Variants in PCNT observed in about 807,000 individuals in gnomAD.
PCNT encodes the protein pericentrin.
PCNT carries 319 observed loss-of-function variants against 380.4 expected under a neutral mutation model. That is an observed-to-expected ratio of 0.84 (90% CI 0.77 to 0.92). The LOEUF (loss-of-function observed/expected upper bound fraction) is 0.92. Ranked by LOEUF, PCNT falls within the 40% of genes least tolerant of loss-of-function variation. PCNT has a pLI of 0.00. For synonymous variants in PCNT, 1,845 were observed against 1,735.2 expected (o/e 1.06, Z -1.57); for missense variants, 4,400 against 4,255.3 (o/e 1.03, Z -0.95).
In PCNT at chr21:46,389,808, C is replaced by T. The variant is rs1364389171; in HGVS notation, c.3840+377C>T. ...ATCAAAGATCTTTTTTTCAGCCAGGCACAGCGGCTCACTCCTGCAGTCCCA... is the reference window on the plus strand; with the variant it reads ...ATCAAAGATCTTTTTTTCAGCCAGGTACAGCGGCTCACTCCTGCAGTCCCA... On this transcript the variant is annotated intron_variant, in intron 19 of 46. Transcript: ENST00000359568. Among the ~76,000 whole-genome samples the T allele has an allele frequency of 2.0e-5, 3 of 152,142 alleles. No homozygotes were observed. In the East Asian group the frequency reaches 5.8e-4, roughly 29 times the overall value.
At chr21:46,338,771 A>G (rs1272943482) in intron 3 of PCNT, among the ~76,000 whole-genome samples, 3 of 148,534 alleles carry the variant, frequency 2.0e-5, no homozygotes, top group Admixed American at 6.7e-5. Flanking sequence ...ATGCCTGGCT[A>G]ATTTTTGTAT....
At chr21:46,429,425 T>A in intron 35 of PCNT, among the ~76,000 whole-genome samples, 1 of 119,702 alleles carries the variant, frequency 8.4e-6, no homozygotes, top group East Asian at 2.6e-4. Flanking sequence ...GGGCTGGCGC[T>A]GTGCACGTGC....
At chr21:46,444,573 C>G in intron 45 of PCNT, 121 bp from the exon 46 acceptor site, 1 of 1,039,632 alleles carries the variant, frequency 9.6e-7, no homozygotes, top group Non-Finnish European at 1.4e-6. Flanking sequence ...CACCCATCCC[C>G]ACGGGTCTGG....
chr21:46,441,092 C>T lies in PCNT; in HGVS notation c.9623+8C>T, dbSNP rs75758339. The stretch of plus-strand genomic sequence containing the variant: ...GGTCATTGCAATATTAAGGTAAATG[C>T]CATGACGTTCAGTCAGTGCGTTCCG... On this transcript the variant is annotated splice_region_variant and intron_variant, in intron 43 of 46. Coordinates refer to ENST00000359568, the MANE Select transcript of PCNT (RefSeq NM_006031.6). 1,113 of 1,554,514 alleles carry T rather than the reference C, an allele frequency of 7.2e-4. 15 individuals carry two copies. The African/African-American group carries it at 0.013, about 18-fold the overall frequency.
rs1316315110 is a variant in PCNT, at chr21:46,425,034, G to A, written c.7180-797G>A. On this transcript the variant is annotated intron_variant, in intron 32 of 46. Transcript: ENST00000359568. This position sits in a 1 kb window ranked among gnomAD's most constrained non-coding sequence, Gnocchi z 4.2. ...CCTCATTTTGCATTTCCCTCTTTTT[G>A]GACTTTATTAGATTATTTTTCTCTT... is the stretch of plus-strand genomic sequence containing the variant. Among the ~76,000 whole-genome samples, 1 of 151,966 alleles carries A rather than the reference G, an allele frequency of 6.6e-6. No homozygotes were observed. The highest frequency in any genetic ancestry group is 2.4e-5 in the African/African-American group (1 of 41,346).
rs1569307396 is a variant in PCNT at position 46,437,080 on chromosome 21, A to AGGG, written c.9099+1_9099+2insGGG. On this transcript the variant is annotated inframe_insertion and splice_region_variant, in exon 40 of 47. Transcript: ENST00000359568. Reference sequence around the variant, plus strand: ...GACTTGAGCAGGCCCACCTCCTCCCAGGTAAGGGGTGAGCGCCCCCAGGTC... The same window carrying AGGG: ...GACTTGAGCAGGCCCACCTCCTCCCAGGGGGTAAGGGGTGAGCGCCCCCAGGTC... The AGGG allele has an allele frequency of 6.2e-7, 1 of 1,611,692 alleles. No homozygotes were observed. The highest frequency in any genetic ancestry group is 1.1e-5 in the South Asian group (1 of 91,010).
At chr21:46,431,270 T>C (rs1039758979) in intron 37 of PCNT, 13 of 1,345,988 alleles carry the variant, frequency 9.7e-6, no homozygotes, top group African/African-American at 3.0e-5. Flanking sequence ...AATCATTTTC[T>C]GGAGAGGGAC....
intron 40 of PCNT, among the ~76,000 whole-genome samples, chr21:46,437,634 CT>C (rs1477042253): frequency 6.6e-6 from 1 of 152,208 alleles, no homozygotes; most frequent in African/African-American, 2.4e-5. Flanking sequence ...GGTATAAATT[CT>C]TGATGTGTGT....
At chr21:46,437,433 T>C (rs936973544) in intron 40 of PCNT, among the ~76,000 whole-genome samples, 7 of 152,194 alleles carry the variant, frequency 4.6e-5, no homozygotes, top group African/African-American at 1.4e-4. Flanking sequence ...CTGGACACAT[T>C]GCAGGTCGCT....
rs376236418 is a variant in PCNT, at chr21:46,357,198, C to T, written c.2154+7C>T. On this transcript the variant is annotated splice_region_variant and intron_variant, in intron 13 of 46. Coordinates refer to ENST00000359568, the MANE Select transcript of PCNT (RefSeq NM_006031.6). ...GAAGGACGATTTGGAGAAGGTGAGT[C>T]GTGACTCCACAGCCCAGCGCCTCCC... 9 of 1,582,362 alleles carry T rather than the reference C, an allele frequency of 5.7e-6. No individual in the cohort carries two copies. Among genetic ancestry groups the T allele is most frequent in the East Asian group, 2.2e-5 (1 of 44,744 alleles).
chr21:46,336,992 TTG>T, intron 3 of PCNT, among the ~76,000 whole-genome samples: 3 of 141,236 alleles, frequency 2.1e-5, no homozygotes, highest in African/African-American at 2.6e-5. Flanking sequence ...TTTTTTTTGT[TTG>T]TTTGTTTGTT....
rs779427590 is a variant in PCNT, at chr21:46,442,515, G to C, written c.9642G>C (p.Lys3214Asn). 1 of 1,611,226 alleles carries C rather than the reference G, an allele frequency of 6.2e-7. No individual in the cohort carries two copies. Among genetic ancestry groups the C allele is most frequent in the Admixed American group, 1.7e-5 (1 of 60,004 alleles). Residue 3214 changes from lysine to asparagine, a missense_variant, in exon 44 of 47, where the codon AAG becomes AAC. Transcript: ENST00000359568. ...TTTGTAGATTACGTTTTTTGGTTAA[G>C]AAATGGCAAGAAGTAGATCGGAAAG... Reference protein sequence around the residue: ...IAILRLRFLVKKWQEVDRKGA... With the variant: ...IAILRLRFLVNKWQEVDRKGA...
intron 2 of PCNT, among the ~76,000 whole-genome samples, chr21:46,332,771 C>T (rs571465097): frequency 6.6e-6 from 1 of 152,196 alleles, no homozygotes; most frequent in African/African-American, 2.4e-5. Context: ...TGTTTCTTTG[C>T]TATTTTGGGA....
Position 46,398,088 on chromosome 21 carries a change from C to A in PCNT, c.4521C>A (p.Arg1507=). The A allele has an allele frequency of 1.3e-6, 2 of 1,597,656 alleles. No individual in the cohort carries two copies. Among genetic ancestry groups the A allele is most frequent in the Non-Finnish European group, 1.7e-6 (2 of 1,173,436 alleles). The change falls in exon 23 of 47, where the codon CGC becomes CGA. Residue 1507 remains arginine, a synonymous_variant. Transcript: ENST00000359568. Reference sequence around the variant, plus strand: ...TTCAGAGGCTGGAGGGGCAGCTCCGCCAGGCGGCCAAGCCGCAGCCCTGGG... The same window carrying A: ...TTCAGAGGCTGGAGGGGCAGCTCCGACAGGCGGCCAAGCCGCAGCCCTGGG... ...QEIQRLEGQL[R]QAAKPQPWGP...
chr21:46,428,611 T>C, intron 35 of PCNT, 21 bp downstream of exon 35: 1 of 1,578,134 alleles, frequency 6.3e-7, no homozygotes, highest in Non-Finnish European at 8.6e-7. Flanking sequence ...CTGTCTACAC[T>C]GCCTGGGGCC....
At chr21:46,423,335 C>T (rs1260065829) in intron 32 of PCNT, among the ~76,000 whole-genome samples, 5 of 151,364 alleles carry the variant, frequency 3.3e-5, no homozygotes, top group African/African-American at 9.7e-5. Flanking sequence ...GGATTACAGG[C>T]GTGAGCCACC....
rs924903931 is a variant in PCNT at position 46,371,214 on chromosome 21, CTTTTTTTTTTTT to C, written c.3165+4083_3165+4094del. On this transcript the variant is annotated intron_variant, in intron 15 of 46. Transcript: ENST00000359568. Reference sequence around the variant, plus strand: ...ACAGTATGGTTTATTTTCTTTCTTTCTTTTTTTTTTTTTTTTTTTAAAGACGGAGTCTCAAAA... The same window carrying C: ...ACAGTATGGTTTATTTTCTTTCTTTCTTTTTTTAAAGACGGAGTCTCAAAA... Among the ~76,000 whole-genome samples, 3 of 136,806 alleles carry C rather than the reference CTTTTTTTTTTTT, an allele frequency of 2.2e-5. No homozygotes were observed. In the South Asian group the frequency reaches 7.1e-4, roughly 32 times the overall value. 89.8% of individuals were successfully genotyped at this position (136,806 alleles called of 152,430 possible). A position where few individuals can be genotyped will look rare whatever the true frequency, so the allele number is the denominator to read the frequency against.
In PCNT at chr21:46,402,879, G is replaced by GAA. The variant is rs539599672; in HGVS notation, c.5115+402_5115+403dup. Among the ~76,000 whole-genome samples, 6 of 152,160 alleles carry GAA rather than the reference G, an allele frequency of 3.9e-5. No homozygotes were observed. In the South Asian group the frequency reaches 1.2e-3, roughly 32 times the overall value. ...GTTTCTCTTCCCACTGGCATGATGGGAAAAAAATCTTAAGAACAAATTTTT... is the reference window on the plus strand; with the variant it reads ...GTTTCTCTTCCCACTGGCATGATGGGAAAAAAAAATCTTAAGAACAAATTTTT... On this transcript the variant is annotated intron_variant, in intron 27 of 46. Coordinates refer to ENST00000359568, the MANE Select transcript of PCNT (RefSeq NM_006031.6).
chr21:46,372,003 ACAG>A (rs1451008874), intron 15 of PCNT, among the ~76,000 whole-genome samples: 1 of 150,766 alleles, frequency 6.6e-6, no homozygotes, highest in Non-Finnish European at 1.5e-5. Context: ...GCACACACAC[ACAG>A]CACATGCACA....
Sources: gnomAD v4.1 joint callset for allele counts (sites outside exome capture counted in the v4.1 genomes callset) on GRCh38, gnomAD v4.1.1 for gene constraint, Gnocchi (gnomAD v3.1) non-coding constraint, MANE v1.5 for transcripts, NCBI Gene and HGNC (gene_info 2026-07-23, HGNC 2026-07-21) for gene names.